Variants in PIAS2 observed in about 807,000 individuals in gnomAD.
The protein encoded by PIAS2 is E3 SUMO-protein ligase PIAS2.
In PIAS2, 19 loss-of-function variants were observed where a neutral mutation model predicts 69.7. The ratio of observed to expected loss-of-function variants is 0.27; its 90% CI spans 0.19 to 0.40. The LOEUF is 0.40. Among genes scored for constraint, PIAS2 ranks in the 10% least tolerant of loss-of-function variants. The pLI is 1.00. For synonymous variants in PIAS2, 261 were observed against 263.2 expected (o/e 0.99, Z 0.08); for missense variants, 624 against 757.0 (o/e 0.82, Z 2.06).
chr18:46,848,664 CAAA>C (rs2046502106), intron 5 of PIAS2, among the ~76,000 whole-genome samples: 1 of 151,634 alleles, frequency 6.6e-6, no homozygotes, highest in African/African-American at 2.4e-5. Context: ...TAACTTGCAA[CAAA>C]ATTCTGAAAA....
chr18:46,890,635 T>A lies in PIAS2; in HGVS notation c.444A>T (p.Leu148Phe). The part of the protein sequence containing the change: ...PIPPVHPDVQ[L>F]KNLPFYDVLD... ...GGACATCATAAAAGGGCAGATTTTTTAACTGCACATCAGGATGGACAGGAG... is the reference window on the plus strand; with the variant it reads ...GGACATCATAAAAGGGCAGATTTTTAAACTGCACATCAGGATGGACAGGAG... Residue 148 changes from leucine to phenylalanine, a missense_variant, in exon 2 of 14, where the codon TTA becomes TTT. By Grantham distance (22) the Leu-to-Phe change is conservative. Transcript: ENST00000585916. 6.2e-7 allele frequency: 1 copy of A among 1,614,172 alleles called. No homozygotes were observed. The highest frequency in any genetic ancestry group is 8.5e-7 in the Non-Finnish European group (1 of 1,180,012).
intron 8 of PIAS2, among the ~76,000 whole-genome samples, chr18:46,836,972 G>A (rs912273673): frequency 6.6e-6 from 1 of 151,840 alleles, no homozygotes; most frequent in Non-Finnish European, 1.5e-5. Context: ...CACACAAATC[G>A]GTATATAAAA....
At position 46,890,836 on chromosome 18, in the gene PIAS2, C is replaced by G; in HGVS notation, c.243G>C (p.Ser81=). The part of the protein sequence containing the change: ...GLSDLSTIKS[S]VFSLDGGSSP... ...ATGAGCCACCATCCAAACTGAAAAC[C>G]GATGATTTGATTGTGGATAAATCAG... The change falls in exon 2 of 14, where the codon TCG becomes TCC. Residue 81 remains serine, a synonymous_variant. Coordinates refer to ENST00000585916, the MANE Select transcript of PIAS2 (RefSeq NM_004671.5). The G allele has an allele frequency of 6.2e-7, 1 of 1,614,140 alleles. No individual in the cohort carries two copies. Among genetic ancestry groups the G allele is most frequent in the Non-Finnish European group, 8.5e-7 (1 of 1,180,032 alleles).
At chr18:46,870,340 G>A (rs2050145380) in intron 2 of PIAS2, among the ~76,000 whole-genome samples, 1 of 152,128 alleles carries the variant, frequency 6.6e-6, no homozygotes, top group Admixed American at 6.5e-5. Flanking sequence ...TCAAGACCGG[G>A]TGCAGTGGCT....
At chr18:46,866,393 T>C (rs2049468197) in intron 2 of PIAS2, among the ~76,000 whole-genome samples, 3 of 152,122 alleles carry the variant, frequency 2.0e-5, no homozygotes, top group Admixed American at 1.3e-4. Context: ...TTTAAAGTGG[T>C]GAAAGAACAA....
At chr18:46,895,909 G>A (rs1242463702) in intron 1 of PIAS2, among the ~76,000 whole-genome samples, 2 of 151,978 alleles carry the variant, frequency 1.3e-5, no homozygotes, top group Non-Finnish European at 2.9e-5. Context: ...TTTTATTTGA[G>A]AGACTAATGG....
intron 2 of PIAS2, among the ~76,000 whole-genome samples, chr18:46,873,330 C>A (rs188948868): frequency 6.6e-6 from 1 of 152,168 alleles, no homozygotes; most frequent in Admixed American, 6.5e-5. Context: ...AGGCCCTGGG[C>A]GTAAATGTTT....
At chr18:46,854,501 C>T (rs577985196) in intron 5 of PIAS2, among the ~76,000 whole-genome samples, 203 of 152,264 alleles carry the variant, frequency 1.3e-3, no homozygotes, top group Non-Finnish European at 2.2e-3. Context: ...TGCTGGCCTT[C>T]TTACAGAATG....
intron 2 of PIAS2, among the ~76,000 whole-genome samples, chr18:46,864,518 C>T (rs1213476333): frequency 6.6e-6 from 1 of 152,168 alleles, no homozygotes; most frequent in East Asian, 1.9e-4. Flanking sequence ...CACCTGTAAT[C>T]CCAACACTTT....
intron 9 of PIAS2, among the ~76,000 whole-genome samples, chr18:46,835,744 G>T (rs2044334078): frequency 1.3e-5 from 2 of 152,068 alleles, no homozygotes; most frequent in Admixed American, 1.3e-4. Flanking sequence ...CATCACCATA[G>T]GATGGTACTG....
intron 13 of PIAS2, 97 bp downstream of exon 13, chr18:46,815,215 G>A: frequency 2.2e-6 from 2 of 927,168 alleles, no homozygotes; most frequent in Non-Finnish European, 3.5e-6. Context: ...GTAATTCAGA[G>A]ATGACTGTCC....
Position 46,846,743 on chromosome 18 carries a change from G to T in PIAS2, c.825C>A (p.Asn275Lys). The T allele has an allele frequency of 6.2e-7, 1 of 1,611,898 alleles. No homozygotes were observed. Among genetic ancestry groups the T allele is most frequent in the Non-Finnish European group, 8.5e-7 (1 of 1,178,944 alleles). The change falls in exon 6 of 14, where the codon AAC (asparagine) becomes AAA (lysine). Residue 275 changes from asparagine to lysine, a missense_variant. By Grantham distance (94) the Asn-to-Lys change is moderately conservative. Transcript: ENST00000585916. ...SLVRLSSAVP[N>K]QISISWASEI... ...CTGATGCCCAAGAAATGGAAATTTG[G>T]TTTGGCACAGCTGAAGATAACCTAA...
intron 5 of PIAS2, among the ~76,000 whole-genome samples, chr18:46,850,905 C>T (rs1271516524): frequency 6.6e-6 from 1 of 152,154 alleles, no homozygotes; most frequent in African/African-American, 2.4e-5. Context: ...CATCAATCTT[C>T]GGAGCAGCAG....
At chr18:46,832,689 G>A (rs2043824702) in intron 9 of PIAS2, among the ~76,000 whole-genome samples, 1 of 151,944 alleles carries the variant, frequency 6.6e-6, no homozygotes, top group South Asian at 2.1e-4. Context: ...TCAGGAGTTG[G>A]AGACCAGCCT....
intron 2 of PIAS2, among the ~76,000 whole-genome samples, chr18:46,881,382 T>C (rs1026542012): frequency 1.3e-5 from 2 of 152,246 alleles, no homozygotes; most frequent in African/African-American, 2.4e-5. Flanking sequence ...TTGGTGTATG[T>C]AATGGGATTA....
intron 10 of PIAS2, among the ~76,000 whole-genome samples, chr18:46,829,079 CTG>C (rs2043216380): frequency 1.3e-5 from 2 of 152,104 alleles, no homozygotes; most frequent in South Asian, 4.1e-4. Context: ...AGTGAGTAGA[CTG>C]TTAGATAAAA....
At chr18:46,897,877 GT>G (rs544949333) in intron 1 of PIAS2, among the ~76,000 whole-genome samples, 59 of 145,318 alleles carry the variant, frequency 4.1e-4, no homozygotes, top group South Asian at 6.6e-4. Flanking sequence ...TAATTTTTGG[GT>G]TTTTTTTTTT....
At chr18:46,847,482 ATTTT>A (rs536478394) in intron 5 of PIAS2, among the ~76,000 whole-genome samples, 1 of 138,468 alleles carries the variant, frequency 7.2e-6, no homozygotes, top group Non-Finnish European at 1.6e-5. Flanking sequence ...CATCAACCGT[ATTTT>A]TTTTTTTTTT....
chr18:46,846,020 C>T (rs1457050927), intron 6 of PIAS2, among the ~76,000 whole-genome samples: 1 of 152,100 alleles, frequency 6.6e-6, no homozygotes, highest in African/African-American at 2.4e-5. Flanking sequence ...GAAACTGATG[C>T]TTCATGTAAT....
Sources: gnomAD v4.1 joint callset for allele counts (sites outside exome capture counted in the v4.1 genomes callset) on GRCh38, gnomAD v4.1.1 for gene constraint, MANE v1.5 for transcripts, NCBI Gene and HGNC (gene_info 2026-07-23, HGNC 2026-07-21) for gene names.